The following IL21 variants were observed in gnomAD, a reference collection of about 807,000 sequenced individuals.
IL21 encodes interleukin-21.
Under a neutral mutation model 18.4 loss-of-function variants are expected in IL21, and 3 were observed. That is an observed-to-expected ratio of 0.16 (90% CI 0.07 to 0.42). The LOEUF (loss-of-function observed/expected upper bound fraction) is 0.42. Among genes scored for constraint, IL21 ranks in the 10% least tolerant of loss-of-function variants. The probability of loss-of-function intolerance (pLI) is 0.99; values close to 1 mark genes in which losing one functional copy is unlikely to be tolerated. For missense variants in IL21, 130 were observed against 188.4 expected (o/e 0.69, Z 1.81); for synonymous variants, 37 against 62.0 (o/e 0.60, Z 1.90).
At position 122,620,685 on chromosome 4, in the gene IL21, A is replaced by C; in HGVS notation, c.204+16T>G. ...ATGTCCAATGTATTTTCAGAAATAA[A>C]TTCAACTGGTCTTACCTCTACATCT... is the stretch of plus-strand genomic sequence containing the variant. On this transcript the variant is annotated intron_variant, in intron 2 of 4. Transcript: ENST00000648588. The C allele has an allele frequency of 6.2e-7, 1 of 1,606,254 alleles. No individual in the cohort carries two copies. The highest frequency in any genetic ancestry group is 1.1e-5 in the South Asian group (1 of 89,536).
chr4:122,618,282 CTT>C (rs66724277), intron 2 of IL21, among the ~76,000 whole-genome samples: 47 of 145,434 alleles, frequency 3.2e-4, no homozygotes, highest in African/African-American at 6.8e-4. Flanking sequence ...CTCCTTAGGG[CTT>C]TTTTTTTTTT....
Position 122,620,866 on chromosome 4 carries a change from A to G in IL21, c.146T>C (p.Leu49Pro), listed in dbSNP as rs587777338. The G allele has an allele frequency of 6.2e-7, 1 of 1,613,950 alleles. No individual in the cohort carries two copies. Among genetic ancestry groups the G allele is most frequent in the Non-Finnish European group, 8.5e-7 (1 of 1,179,950 alleles). ...TACCAAGTCATTCACATAATTTTTC[A>G]GCTGATCAACAATATCTATAAGTTG... ...MRQLIDIVDQ[L>P]KNYVNDLVPE... The change falls in exon 1 of 5, where the codon CTG becomes CCG. Residue 49 changes from leucine (L) to proline (P), a missense_variant. By Grantham distance (98) the Leu-to-Pro change is moderately conservative. Coordinates refer to ENST00000648588, the MANE Select transcript of IL21 (RefSeq NM_021803.4).
Position 122,616,967 on chromosome 4 carries a change from C to T in IL21, c.205-1130G>A, listed in dbSNP as rs189356469. On this transcript the variant is annotated intron_variant, in intron 2 of 4. Transcript: ENST00000648588. ...CAGTCCCTACAAAGGCAGGCCTATA[C>T]GTAACAATATTACCTGAATCTTCTT... Among the ~76,000 whole-genome samples, 74 of 152,276 alleles carry T rather than the reference C, an allele frequency of 4.9e-4. 1 individual carries two copies. In the South Asian group the frequency reaches 0.012, roughly 24 times the overall value.
chr4:122,617,687 TG>T (rs1378963287), intron 2 of IL21, among the ~76,000 whole-genome samples: 1 of 152,216 alleles, frequency 6.6e-6, no homozygotes, highest in Non-Finnish European at 1.5e-5. Context: ...CCCATATTGA[TG>T]GGGCTGTGCT....
In IL21 at chr4:122,620,667, A is replaced by G. The variant is rs545925184; in HGVS notation, c.204+34T>C. 4.5e-5 allele frequency: 72 copies of G among 1,587,844 alleles called. No homozygotes were observed. The Middle Eastern group carries it at 6.2e-4, about 14-fold the overall frequency. The stretch of plus-strand genomic sequence containing the variant: ...TATTGGATTTAAAAACTTATGTCCA[A>G]TGTATTTTCAGAAATAAATTCAACT... On this transcript the variant is annotated intron_variant, in intron 2 of 4. Transcript: ENST00000648588.
Position 122,611,114 on chromosome 4 carries a change from C to T in IL21, c.*1596G>A, listed in dbSNP as rs1404721114. Among the ~76,000 whole-genome samples, 1 of 152,194 alleles carries T rather than the reference C, an allele frequency of 6.6e-6. No individual in the cohort carries two copies. Among genetic ancestry groups the T allele is most frequent in the Non-Finnish European group, 1.5e-5 (1 of 68,022 alleles). ...CAAGAAATACAGATTCCATCTTTCTCACTATCTTTGTGCCTGCTTCCACAT... is the reference window on the plus strand; with the variant it reads ...CAAGAAATACAGATTCCATCTTTCTTACTATCTTTGTGCCTGCTTCCACAT... On this transcript the variant is annotated 3_prime_UTR_variant, in exon 5 of 5. Transcript: ENST00000648588.
At chr4:122,613,917 G>T (rs769203163) in intron 3 of IL21, among the ~76,000 whole-genome samples, 50 of 152,156 alleles carry the variant, frequency 3.3e-4, no homozygotes, top group Non-Finnish European at 1.3e-4. Context: ...GTGATTACTA[G>T]GGAGATTGAA....
intron 2 of IL21, 108 bp from the exon 3 acceptor site, chr4:122,615,945 T>C: frequency 1.1e-6 from 1 of 904,860 alleles, no homozygotes; most frequent in Admixed American, 2.7e-5. Flanking sequence ...GTGCATTACA[T>C]CGTTTCAACA....
intron 3 of IL21, among the ~76,000 whole-genome samples, chr4:122,613,218 T>C (rs911377403): frequency 2.6e-5 from 4 of 151,768 alleles, no homozygotes; most frequent in South Asian, 2.1e-4. Context: ...TTTTTTTTTT[T>C]CACACTTAAC....
chr4:122,615,249 C>T (rs748825692), intron 3 of IL21, among the ~76,000 whole-genome samples: 3 of 152,148 alleles, frequency 2.0e-5, no homozygotes, highest in Non-Finnish European at 4.4e-5. Context: ...AGGCCGGGTG[C>T]GGTGGCTCAT....
chr4:122,613,880 G>A (rs1439202570), intron 3 of IL21, among the ~76,000 whole-genome samples: 2 of 152,134 alleles, frequency 1.3e-5, no homozygotes, highest in African/African-American at 4.8e-5. Context: ...GAAAAAACAG[G>A]ATTTCCTTGT....
chr4:122,616,782 C>G (rs1277772647), intron 2 of IL21, among the ~76,000 whole-genome samples: 1 of 152,168 alleles, frequency 6.6e-6, no homozygotes, highest in African/African-American at 2.4e-5. Flanking sequence ...AATTTTAATG[C>G]TGATCCAAAA....
At chr4:122,620,584 G>T in intron 2 of IL21, 117 bp downstream of exon 2, 3 of 834,344 alleles carry the variant, frequency 3.6e-6, no homozygotes, top group Non-Finnish European at 3.8e-6. Context: ...TCAATTATTA[G>T]ACCGCTAAGT....
intron 3 of IL21, among the ~76,000 whole-genome samples, chr4:122,613,223 CTT>C (rs139829524): frequency 0.011 from 1,706 of 150,644 alleles, 30 homozygotes; most frequent in African/African-American, 0.039. Context: ...TTTTTTCACA[CTT>C]AACATATCAC....
In IL21 at chr4:122,610,367, C is replaced by A. The variant is rs2150683754; in HGVS notation, c.*2343G>T. 6.6e-6 allele frequency among the ~76,000 whole-genome samples: 1 copy of A among 152,120 alleles called. No homozygotes were observed. The highest frequency in any genetic ancestry group is 2.1e-4 in the South Asian group (1 of 4,806). On this transcript the variant is annotated 3_prime_UTR_variant, in exon 5 of 5. Coordinates refer to ENST00000648588, the MANE Select transcript of IL21 (RefSeq NM_021803.4). ...ATTAATTTTCCCTGAACTCTCATGA[C>A]CTATAATAATGTTTCCTTTTCTCCC... is the stretch of plus-strand genomic sequence containing the variant.
rs958054742 is a variant in IL21 at position 122,613,736 on chromosome 4, A to G, written c.361-808T>C. On this transcript the variant is annotated intron_variant, in intron 3 of 4. Transcript: ENST00000648588. ...TCATATATATCTTTGCTTATTTGAT[A>G]TATTCCTAGAAGTAGAATTACTAAA... Among the ~76,000 whole-genome samples, 25 of 152,290 alleles carry G rather than the reference A, an allele frequency of 1.6e-4. 1 individual carries two copies. The South Asian group carries it at 2.5e-3, about 15-fold the overall frequency.
chr4:122,618,723 T>C (rs2150688309), intron 2 of IL21, among the ~76,000 whole-genome samples: 1 of 146,790 alleles, frequency 6.8e-6, no homozygotes, highest in Admixed American at 7.2e-5. Flanking sequence ...GGAGAATCGC[T>C]TGAACCTGGG....
chr4:122,620,392 C>T (rs1799408967), intron 2 of IL21, among the ~76,000 whole-genome samples: 1 of 152,138 alleles, frequency 6.6e-6, no homozygotes, highest in African/African-American at 2.4e-5. Context: ...GTGCATTGTT[C>T]AGAAACTGAT....
At chr4:122,617,654 T>C (rs968138983) in intron 2 of IL21, among the ~76,000 whole-genome samples, 2 of 152,204 alleles carry the variant, frequency 1.3e-5, no homozygotes, top group African/African-American at 4.8e-5. Context: ...TGAAAGCCTT[T>C]GAATGGTACC....
Sources: allele counts gnomAD v4.1 joint callset (sites outside exome capture counted in the v4.1 genomes callset), GRCh38; gene constraint gnomAD v4.1.1; transcripts MANE v1.5; gene names NCBI Gene and HGNC (gene_info 2026-07-23, HGNC 2026-07-21).